TLL2: variants seen among roughly 807,000 people sequenced by gnomAD.
TLL2 encodes the protein tolloid like 2.
In TLL2, 106 loss-of-function variants were observed where a neutral mutation model predicts 123.0. The observed-to-expected ratio is 0.86, with a 90% confidence interval of 0.74 to 1.01. TLL2 has a LOEUF of 1.01. Ranked by LOEUF, TLL2 falls within the 50% of genes least tolerant of loss-of-function variation. TLL2 has a pLI of 0.00. For synonymous variants in TLL2, 494 were observed against 516.8 expected, an observed-to-expected ratio of 0.96 and a Z score of 0.60; for missense variants, 1,332 against 1,336.7, an observed-to-expected ratio of 1.00 and a Z score of 0.06.
intron 1 of TLL2, among the ~76,000 whole-genome samples, chr10:96,512,791 C>G (rs746972442): frequency 6.6e-6 from 1 of 152,232 alleles, no homozygotes; most frequent in South Asian, 2.1e-4. Flanking sequence ...TCAGGACTCA[C>G]GAGCCGATCA....
In TLL2 at chr10:96,442,203, G is replaced by A. The variant is rs117543584; in HGVS notation, c.364+3888C>T. Among the ~76,000 whole-genome samples, 590 of 152,256 alleles carry A rather than the reference G, an allele frequency of 3.9e-3. 1 individual carries two copies. Among genetic ancestry groups the A allele is most frequent in the Non-Finnish European group, 5.2e-3 (354 of 68,012 alleles). On this transcript the variant is annotated intron_variant, in intron 3 of 20. Coordinates refer to ENST00000357947, the MANE Select transcript of TLL2 (RefSeq NM_012465.4). ...CCTTTCCCCCTCCCCAAAGCTGGAG[G>A]CACAAATCCCCACCGTCAGGGCTGA...
intron 16 of TLL2, among the ~76,000 whole-genome samples, chr10:96,381,107 C>T (rs532672132): frequency 2.6e-5 from 4 of 152,356 alleles, no homozygotes; most frequent in African/African-American, 9.6e-5. Flanking sequence ...CTCTGATCCT[C>T]TTCCCTGTGC....
chr10:96,498,253 G>A (rs1847497897), intron 1 of TLL2, among the ~76,000 whole-genome samples: 2 of 152,174 alleles, frequency 1.3e-5, no homozygotes, highest in South Asian at 2.1e-4. Context: ...AGGAGGACTG[G>A]GATCCACCTA....
chr10:96,416,957 T>C (rs1390237480), intron 7 of TLL2, among the ~76,000 whole-genome samples: 3 of 152,186 alleles, frequency 2.0e-5, no homozygotes, highest in African/African-American at 4.8e-5. Flanking sequence ...TCCTGGATCT[T>C]TGCCCAGCAA....
intron 1 of TLL2, among the ~76,000 whole-genome samples, chr10:96,499,003 C>G (rs918449466): frequency 6.6e-6 from 1 of 152,258 alleles, no homozygotes; most frequent in Non-Finnish European, 1.5e-5. Flanking sequence ...GGCTCCAAAT[C>G]TATCCTTCTT....
At chr10:96,395,823 T>A in intron 12 of TLL2, 52 bp downstream of exon 12, 5 of 1,606,006 alleles carry the variant, frequency 3.1e-6, no homozygotes, top group Non-Finnish European at 4.3e-6. Context: ...GAGTGGAGGA[T>A]GTCTAGCAAA....
intron 13 of TLL2, among the ~76,000 whole-genome samples, chr10:96,388,158 C>G (rs566514262): frequency 3.3e-5 from 5 of 152,292 alleles, no homozygotes; most frequent in Admixed American, 2.0e-4. Context: ...AATCACAGCA[C>G]TTTGGGAGGC....
intron 1 of TLL2, among the ~76,000 whole-genome samples, chr10:96,503,680 A>G (rs1457133409): frequency 1.3e-5 from 2 of 152,308 alleles, no homozygotes; most frequent in Non-Finnish European, 2.9e-5. Context: ...CTTCTGGAAG[A>G]GGGGTAGAGG....
At chr10:96,474,899 C>T (rs1266002280) in intron 2 of TLL2, among the ~76,000 whole-genome samples, 1 of 152,162 alleles carries the variant, frequency 6.6e-6, no homozygotes. Flanking sequence ...GTGTTCTTGG[C>T]TTGTGGCTGC....
chr10:96,418,734 A>G (rs2134074122), intron 7 of TLL2, among the ~76,000 whole-genome samples: 1 of 147,426 alleles, frequency 6.8e-6, no homozygotes, highest in Admixed American at 6.8e-5. Flanking sequence ...TATATAAATT[A>G]ATATATGAAT....
At chr10:96,369,079 A>G (rs1445933197) in intron 20 of TLL2, among the ~76,000 whole-genome samples, 4 of 152,268 alleles carry the variant, frequency 2.6e-5, no homozygotes, top group Admixed American at 2.0e-4. Context: ...ATGATGTGCT[A>G]TAAGTCCAGC....
At chr10:96,370,408 C>A in intron 19 of TLL2, 93 bp from the exon 20 acceptor site, 4 of 1,447,658 alleles carry the variant, frequency 2.8e-6, no homozygotes, top group Non-Finnish European at 2.7e-6. Flanking sequence ...GAGCCTGGTG[C>A]GTGCCTGGCA....
At chr10:96,421,981 T>C (rs533391558) in intron 6 of TLL2, among the ~76,000 whole-genome samples, 1 of 152,232 alleles carries the variant, frequency 6.6e-6, no homozygotes, top group Non-Finnish European at 1.5e-5. Context: ...AAGGCAATCA[T>C]ATTCTTCAAC....
At chr10:96,444,972 G>A (rs1264406358) in intron 3 of TLL2, among the ~76,000 whole-genome samples, 1 of 152,166 alleles carries the variant, frequency 6.6e-6, no homozygotes, top group African/African-American at 2.4e-5. Context: ...GGCAGATCAC[G>A]AGGTCAGCAG....
intron 18 of TLL2, among the ~76,000 whole-genome samples, chr10:96,376,218 G>A (rs7896778): frequency 0.35 from 53,645 of 152,136 alleles, 9,975 homozygotes; most frequent in East Asian, 0.65. Flanking sequence ...TGCACTGACA[G>A]TCATGATTGT....
At chr10:96,476,313 G>A (rs1328562492) in intron 2 of TLL2, among the ~76,000 whole-genome samples, 19 of 146,586 alleles carry the variant, frequency 1.3e-4, no homozygotes, top group South Asian at 4.4e-4. Context: ...GCAGTGGTAC[G>A]ATCTTGGCTA....
chr10:96,408,909 T>G (rs1450537114), intron 9 of TLL2, among the ~76,000 whole-genome samples: 1 of 152,192 alleles, frequency 6.6e-6, no homozygotes, highest in Non-Finnish European at 1.5e-5. Context: ...TAAATAAGTA[T>G]GGCAACAGCA....
intron 19 of TLL2, 181 bp downstream of exon 19, chr10:96,373,415 A>T: frequency 1.7e-6 from 1 of 591,922 alleles, no homozygotes; most frequent in African/African-American, 1.9e-5. Flanking sequence ...TGCTGGGATT[A>T]CAGGCATGAG....
At chr10:96,417,270 T>C (rs1378168806) in intron 7 of TLL2, among the ~76,000 whole-genome samples, 3 of 152,168 alleles carry the variant, frequency 2.0e-5, no homozygotes, top group African/African-American at 7.2e-5. Context: ...AAAATGCTCA[T>C]AGAAAAGCTC....
Sources: allele counts gnomAD v4.1 joint callset (sites outside exome capture counted in the v4.1 genomes callset), GRCh38; gene constraint gnomAD v4.1.1; transcripts MANE v1.5; gene names NCBI Gene and HGNC (gene_info 2026-07-23, HGNC 2026-07-21).